The following GRIN2A variants were observed in gnomAD, a reference collection of about 807,000 sequenced individuals.
GRIN2A encodes the protein glutamate receptor ionotropic, NMDA 2A.
In GRIN2A, 22 loss-of-function variants were observed where a neutral mutation model predicts 113.4. That is an observed-to-expected ratio of 0.19 (90% CI 0.14 to 0.28). GRIN2A has a LOEUF of 0.28. GRIN2A is among the 10% of genes least tolerant of loss of function. GRIN2A has a pLI of 1.00. For missense variants in GRIN2A, 1,502 were observed against 1,887.0 expected, an observed-to-expected ratio of 0.80 and a Z score of 3.78; for synonymous variants, 827 against 738.4, an observed-to-expected ratio of 1.12 and a Z score of -1.94.
intron 2 of GRIN2A, among the ~76,000 whole-genome samples, chr16:10,109,235 T>C (rs1210330677): frequency 6.6e-6 from 1 of 151,910 alleles, no homozygotes; most frequent in Non-Finnish European, 1.5e-5. Context: ...ATAGAAACCT[T>C]CACCAACCCT....
intron 4 of GRIN2A, among the ~76,000 whole-genome samples, chr16:9,863,684 T>C (rs2043111570): frequency 6.6e-6 from 1 of 152,208 alleles, no homozygotes; most frequent in Admixed American, 6.5e-5. Context: ...AGCAGCTGAT[T>C]GGACTTCTCC....
intron 5 of GRIN2A, among the ~76,000 whole-genome samples, chr16:9,847,399 A>C (rs1456483992): frequency 6.6e-6 from 1 of 152,034 alleles, no homozygotes; most frequent in Non-Finnish European, 1.5e-5. Context: ...CTCTAAAAAA[A>C]AAAATTAATT....
intron 2 of GRIN2A, among the ~76,000 whole-genome samples, chr16:10,014,408 G>A (rs2046564907): frequency 6.6e-6 from 1 of 152,050 alleles, no homozygotes; most frequent in African/African-American, 2.4e-5. Context: ...TTTTCTCCTG[G>A]CCTTATAAAT....
At chr16:9,825,495 G>C (rs1031760503) in intron 9 of GRIN2A, among the ~76,000 whole-genome samples, 5 of 152,178 alleles carry the variant, frequency 3.3e-5, no homozygotes, top group African/African-American at 1.2e-4. Flanking sequence ...TGATGGAGGA[G>C]GTAGAGATGC....
At chr16:10,120,348 T>C (rs1196100816) in intron 2 of GRIN2A, among the ~76,000 whole-genome samples, 1 of 152,142 alleles carries the variant, frequency 6.6e-6, no homozygotes, top group Non-Finnish European at 1.5e-5. Flanking sequence ...AGCAAAGAAT[T>C]CTCCTGCTCA....
chr16:9,808,034 T>C (rs1371082487), intron 10 of GRIN2A, among the ~76,000 whole-genome samples: 2 of 152,234 alleles, frequency 1.3e-5, no homozygotes, highest in Non-Finnish European at 2.9e-5. Context: ...CTACTCTTTA[T>C]AGAGCTTCTT....
intron 2 of GRIN2A, among the ~76,000 whole-genome samples, chr16:9,986,422 T>C (rs2045980070): frequency 6.6e-6 from 1 of 152,222 alleles, no homozygotes; most frequent in South Asian, 2.1e-4. Context: ...TTTTATTTTA[T>C]AGTGTATTTC....
At chr16:10,080,186 C>T (rs2047952002) in intron 2 of GRIN2A, among the ~76,000 whole-genome samples, 1 of 152,162 alleles carries the variant, frequency 6.6e-6, no homozygotes, top group African/African-American at 2.4e-5. Context: ...ATCTGATTTG[C>T]CTCTGTAAGG....
At chr16:10,079,980 G>A (rs570150811) in intron 2 of GRIN2A, among the ~76,000 whole-genome samples, 1 of 152,326 alleles carries the variant, frequency 6.6e-6, no homozygotes, top group South Asian at 2.1e-4. Flanking sequence ...TCTGTGCAAT[G>A]CTGCTCTCAG....
intron 5 of GRIN2A, among the ~76,000 whole-genome samples, chr16:9,842,972 GAAGAAAGA>G (rs753343405): frequency 3.3e-5 from 3 of 91,766 alleles, no homozygotes; most frequent in East Asian, 4.6e-4. Context: ...AGAGAGAGAG[GAAGAAAGA>G]AAGAAAGAAA....
intron 3 of GRIN2A, among the ~76,000 whole-genome samples, chr16:9,910,979 G>A (rs930261484): frequency 6.6e-5 from 10 of 151,566 alleles, no homozygotes; most frequent in Admixed American, 2.6e-4. Context: ...TATCATTGGT[G>A]TATAGATACA....
At chr16:10,151,581 G>A (rs1046950507) in intron 2 of GRIN2A, among the ~76,000 whole-genome samples, 6 of 152,186 alleles carry the variant, frequency 3.9e-5, no homozygotes, top group African/African-American at 1.4e-4. Flanking sequence ...GACATTTTCT[G>A]CAAGATCAAT....
intron 2 of GRIN2A, among the ~76,000 whole-genome samples, chr16:10,016,519 G>T (rs867031381): frequency 1.3e-5 from 2 of 152,082 alleles, no homozygotes; most frequent in Non-Finnish European, 2.9e-5. Flanking sequence ...CAATGCAAAG[G>T]GTAGCATTAA....
intron 9 of GRIN2A, among the ~76,000 whole-genome samples, chr16:9,826,174 G>A (rs946575206): frequency 2.6e-5 from 4 of 152,066 alleles, no homozygotes; most frequent in Non-Finnish European, 5.9e-5. Flanking sequence ...TAAGCCTAAG[G>A]GGATACTGAC....
At chr16:9,939,497 C>T (rs950584086) in intron 2 of GRIN2A, among the ~76,000 whole-genome samples, 8 of 152,140 alleles carry the variant, frequency 5.3e-5, no homozygotes, top group African/African-American at 7.2e-5. Context: ...TCTATTAGCC[C>T]TAACATCTCC....
rs61758995 is a variant in GRIN2A at position 9,764,316 on chromosome 16, G to T, written c.3228C>A (p.Asn1076Lys). ...TGTCCTTGGTTTTGTGGTTCTTACT[G>T]TTGTCAGGTTCCCTGTGGCACGTGG... ...NRATCHREPD[N>K]SKNHKTKDNF... The change falls in exon 13 of 13, where the codon AAC (asparagine) becomes AAA (lysine). Residue 1076 changes from asparagine (N) to lysine (K), a missense_variant. Physicochemically the swap from Asn to Lys is moderately conservative, Grantham distance 94 (BLOSUM62 0). Coordinates refer to ENST00000330684, the MANE Select transcript of GRIN2A (RefSeq NM_001134407.3). 5.6e-3 allele frequency: 8,969 copies of T among 1,614,114 alleles called. 32 individuals carry two copies. Among genetic ancestry groups the T allele is most frequent in the Non-Finnish European group, 6.7e-3 (7,926 of 1,180,004 alleles).
intron 2 of GRIN2A, among the ~76,000 whole-genome samples, chr16:10,101,604 T>C (rs967275398): frequency 6.6e-6 from 1 of 152,176 alleles, no homozygotes; most frequent in African/African-American, 2.4e-5. Flanking sequence ...TTCTCCCCTC[T>C]GGCCAACACC....
chr16:9,929,091 G>A (rs1318189954), intron 3 of GRIN2A, among the ~76,000 whole-genome samples: 1 of 152,210 alleles, frequency 6.6e-6, no homozygotes, highest in Non-Finnish European at 1.5e-5. Context: ...TTCCCTTGGA[G>A]GATTATTTAC....
At chr16:10,149,283 C>T (rs143130316) in intron 2 of GRIN2A, among the ~76,000 whole-genome samples, 293 of 152,300 alleles carry the variant, frequency 1.9e-3, no homozygotes, top group Non-Finnish European at 3.3e-3. Flanking sequence ...CACATTTACC[C>T]TGATATGATT....
Sources: gnomAD v4.1 joint callset for allele counts (sites outside exome capture counted in the v4.1 genomes callset) on GRCh38, gnomAD v4.1.1 for gene constraint, MANE v1.5 for transcripts, NCBI Gene and HGNC (gene_info 2026-07-23, HGNC 2026-07-21) for gene names.